Variants in PTPRO observed in about 807,000 individuals in gnomAD.
The protein encoded by PTPRO is receptor-type tyrosine-protein phosphatase O.
A neutral mutation model predicts 145.2 loss-of-function variants in PTPRO; 62 were observed. That is an observed-to-expected ratio of 0.43 (90% CI 0.35 to 0.53). PTPRO has a LOEUF of 0.53. PTPRO is among the 20% of genes least tolerant of loss of function. The pLI is 0.01. For missense variants in PTPRO, 1,345 were observed against 1,482.7 expected, an observed-to-expected ratio of 0.91 and a Z score of 1.53; for synonymous variants, 565 against 514.7, an observed-to-expected ratio of 1.10 and a Z score of -1.32.
chr12:15,402,207 G>C (rs1274369909), intron 1 of PTPRO, among the ~76,000 whole-genome samples: 1 of 152,076 alleles, frequency 6.6e-6, no homozygotes, highest in Non-Finnish European at 1.5e-5. Context: ...GGTCAACATG[G>C]TGAAACCTCA....
At position 15,529,773 on chromosome 12, in the gene PTPRO, A is replaced by T. The variant is rs61910077; in HGVS notation, c.2164+3511A>T. On this transcript the variant is annotated intron_variant, in intron 12 of 26. Transcript: ENST00000281171. ...AAAATAAAAAGCAACAAATTAATACATAACACTTAATAATCACTTAACCAC... is the reference window on the plus strand; with the variant it reads ...AAAATAAAAAGCAACAAATTAATACTTAACACTTAATAATCACTTAACCAC... Among the ~76,000 whole-genome samples the T allele has an allele frequency of 1.6e-3, 250 of 152,184 alleles. 1 individual carries two copies. The highest frequency in any genetic ancestry group is 5.9e-3 in the African/African-American group (245 of 41,510).
At chr12:15,442,553 A>G (rs535175050) in intron 1 of PTPRO, among the ~76,000 whole-genome samples, 1 of 152,246 alleles carries the variant, frequency 6.6e-6, no homozygotes, top group South Asian at 2.1e-4. Flanking sequence ...AAGTCAAACT[A>G]TCTCTCTTCA....
chr12:15,531,755 A>G (rs1942967230), intron 12 of PTPRO, among the ~76,000 whole-genome samples: 1 of 152,216 alleles, frequency 6.6e-6, no homozygotes. Flanking sequence ...TTCACAGCAG[A>G]GATTTTATAA....
chr12:15,469,949 A>T (rs369568133), intron 1 of PTPRO, among the ~76,000 whole-genome samples: 1 of 152,074 alleles, frequency 6.6e-6, no homozygotes, highest in South Asian at 2.1e-4. Context: ...CCCCTAAAAA[A>T]CTGTCATAAT....
At chr12:15,551,702 G>T (rs1463655910) in intron 15 of PTPRO, 31 bp downstream of exon 15, 3 of 1,605,488 alleles carry the variant, frequency 1.9e-6, no homozygotes, top group Admixed American at 1.7e-5. Context: ...ATTTTATCCG[G>T]AATCTTTAAA....
chr12:15,387,649 G>A (rs938430978), intron 1 of PTPRO, among the ~76,000 whole-genome samples: 9 of 152,046 alleles, frequency 5.9e-5, no homozygotes, highest in Non-Finnish European at 5.9e-5. Context: ...ACTTTTGTCA[G>A]GACCATGCCA....
chr12:15,551,994 A>C (rs974251272), intron 15 of PTPRO, among the ~76,000 whole-genome samples: 1 of 141,780 alleles, frequency 7.1e-6, no homozygotes, highest in Non-Finnish European at 1.5e-5. Flanking sequence ...AGAAATATCT[A>C]TGACAGTTCA....
At chr12:15,476,730 G>T (rs1438674847) in intron 1 of PTPRO, among the ~76,000 whole-genome samples, 3 of 151,378 alleles carry the variant, frequency 2.0e-5, no homozygotes, top group Non-Finnish European at 2.9e-5. Context: ...CATTTATGCA[G>T]CCAAAAAACA....
chr12:15,470,534 G>A (rs1941515526), intron 1 of PTPRO, among the ~76,000 whole-genome samples: 1 of 152,138 alleles, frequency 6.6e-6, no homozygotes. Flanking sequence ...AAACTGGCAG[G>A]TTGAATTCTT....
At chr12:15,572,145 G>A (rs7312796) in intron 19 of PTPRO, among the ~76,000 whole-genome samples, 6,378 of 152,180 alleles carry the variant, frequency 0.042, 408 homozygotes, top group African/African-American at 0.14. Context: ...AATGAGTTTG[G>A]GGTGGGCTTG....
In PTPRO at chr12:15,510,655, A is replaced by G. The variant is rs116058209; in HGVS notation, c.1464+1888A>G. Among the ~76,000 whole-genome samples, 1,332 of 152,358 alleles carry G rather than the reference A, an allele frequency of 8.7e-3. 22 individuals carry two copies. The highest frequency in any genetic ancestry group is 0.031 in the African/African-American group (1,272 of 41,582). The stretch of plus-strand genomic sequence containing the variant: ...ATTATAAGCAAGAAGACCAATATTT[A>G]AAGGGGAGTGCAGGAAAGAGACCAC... On this transcript the variant is annotated intron_variant, in intron 7 of 26. Transcript: ENST00000281171.
Position 15,520,272 on chromosome 12 carries a change from A to G in PTPRO, c.1851A>G (p.Glu617=). The part of the protein sequence containing the change: ...RVTMVTWGDP[E]LSCCDSSTIS... ...CCATGGTGACGTGGGGAGATCCAGA[A>G]TTGAGCTGCTGTGACAGCTCTACCA... The change falls in exon 10 of 27, where the codon GAA becomes GAG. Residue 617 remains glutamate (E), a synonymous_variant. Coordinates refer to ENST00000281171, the MANE Select transcript of PTPRO (RefSeq NM_030667.3). 6.2e-7 allele frequency: 1 copy of G among 1,613,810 alleles called. No individual in the cohort carries two copies. Among genetic ancestry groups the G allele is most frequent in the Non-Finnish European group, 8.5e-7 (1 of 1,179,804 alleles).
intron 19 of PTPRO, among the ~76,000 whole-genome samples, chr12:15,576,918 A>C (rs1319232506): frequency 6.6e-6 from 1 of 152,216 alleles, no homozygotes; most frequent in Non-Finnish European, 1.5e-5. Flanking sequence ...GAAATAATTT[A>C]AGCAATGGAA....
chr12:15,503,923 A>G lies in PTPRO; in HGVS notation c.1121A>G (p.Tyr374Cys). 2 of 1,580,906 alleles carry G rather than the reference A, an allele frequency of 1.3e-6. No individual in the cohort carries two copies. Among genetic ancestry groups the G allele is most frequent in the Non-Finnish European group, 1.7e-6 (2 of 1,150,412 alleles). Residue 374 changes from tyrosine (Y) to cysteine (C), a missense_variant, in exon 6 of 27, where the codon TAT (tyrosine) becomes TGT (cysteine). Physicochemically the swap from Tyr to Cys is radical, Grantham distance 194. Around this residue, in one of 3 missense-constraint regions of PTPRO, gnomAD observed 1,130 missense variants for 1,214.7 expected, o/e 0.93. Transcript: ENST00000281171. ...TATGATTTAGAGAACTTTACTGAAT[A>G]TTTGATGGTGGATGAAGAAGCACAT... ...HIEREENFTE[Y>C]LMVDEEAHEF...
In PTPRO at chr12:15,347,668, A is replaced by AT. The variant is rs1201784389; in HGVS notation, c.75+24872dup. 2.0e-5 allele frequency among the ~76,000 whole-genome samples: 3 copies of AT among 152,218 alleles called. No individual in the cohort carries two copies. The East Asian group carries it at 5.8e-4, about 29-fold the overall frequency. Reference sequence around the variant, plus strand: ...GCTTGTATTTGTATACAAAAGATAAATTTTTCTGCAAGTATTAACAAAAAA... The same window carrying AT: ...GCTTGTATTTGTATACAAAAGATAAATTTTTTCTGCAAGTATTAACAAAAAA... On this transcript the variant is annotated intron_variant, in intron 1 of 26. Transcript: ENST00000281171.
intron 1 of PTPRO, among the ~76,000 whole-genome samples, chr12:15,345,210 A>G (rs1262489649): frequency 6.6e-6 from 1 of 152,216 alleles, no homozygotes; most frequent in Non-Finnish European, 1.5e-5. Flanking sequence ...CCTAGCATGC[A>G]GATAGTTGAT....
At chr12:15,424,241 A>C (rs1394742831) in intron 1 of PTPRO, among the ~76,000 whole-genome samples, 1 of 152,182 alleles carries the variant, frequency 6.6e-6, no homozygotes. Context: ...AAATTCACAT[A>C]TTTGACAAGT....
At chr12:15,471,049 G>A (rs1430744514) in intron 1 of PTPRO, among the ~76,000 whole-genome samples, 3 of 152,170 alleles carry the variant, frequency 2.0e-5, no homozygotes, top group African/African-American at 7.2e-5. Flanking sequence ...CTGCCTGACA[G>A]TAATTGGGAG....
chr12:15,325,649 G>A (rs1381593956), intron 1 of PTPRO, among the ~76,000 whole-genome samples: 2 of 152,286 alleles, frequency 1.3e-5, no homozygotes, highest in East Asian at 1.9e-4. Flanking sequence ...GGCGAGCCTC[G>A]CTGTTGTGTG....
Sources: allele counts gnomAD v4.1 joint callset (sites outside exome capture counted in the v4.1 genomes callset), GRCh38; gene constraint gnomAD v4.1.1; regional missense constraint gnomAD v4.1.1; transcripts MANE v1.5; gene names NCBI Gene and HGNC (gene_info 2026-07-23, HGNC 2026-07-21).